The following SERINC5 variants were observed in gnomAD, a reference collection of about 807,000 sequenced individuals.
The protein encoded by SERINC5 is serine incorporator 5, also known as chromosome 5 open reading frame 12.
A neutral mutation model predicts 63.1 loss-of-function variants in SERINC5; 41 were observed. That is an observed-to-expected ratio of 0.65 (90% confidence interval 0.51 to 0.84). The LOEUF (loss-of-function observed/expected upper bound fraction) is 0.84, where lower values mean the gene tolerates loss of function less well. SERINC5 is among the 40% of genes least tolerant of loss of function. The pLI, the probability that SERINC5 is intolerant of heterozygous loss-of-function variation, is 0.00. For synonymous variants in SERINC5, 222 were observed against 215.2 expected (o/e 1.03, Z -0.28); for missense variants, 523 against 573.0 (o/e 0.91, Z 0.89).
chr5:80,173,456 C>G (rs1016355371), intron 5 of SERINC5, among the ~76,000 whole-genome samples: 2 of 152,026 alleles, frequency 1.3e-5, no homozygotes, highest in Non-Finnish European at 2.9e-5. Flanking sequence ...ATTAGCCGGG[C>G]ATGGTGGCAG....
Position 80,177,405 on chromosome 5 carries a change from TG to T in SERINC5, c.375-9del, listed in dbSNP as rs146944957. ...AGTTTAAAGAACCAAAAGCTAGAAG[TG>T]GGGGGAAAAAAAAGAGGAAATGTAT... On this transcript the variant is annotated splice_polypyrimidine_tract_variant and intron_variant, in intron 3 of 11. Coordinates refer to ENST00000507668, the MANE Select transcript of SERINC5 (RefSeq NM_001174072.3). 2 of 1,606,876 alleles carry T rather than the reference TG, an allele frequency of 1.2e-6. No individual in the cohort carries two copies. Among genetic ancestry groups the T allele is most frequent in the Non-Finnish European group, 1.7e-6 (2 of 1,175,482 alleles).
At chr5:80,193,699 C>G (rs1165341414) in intron 2 of SERINC5, among the ~76,000 whole-genome samples, 25 of 152,296 alleles carry the variant, frequency 1.6e-4, no homozygotes, top group African/African-American at 5.8e-4. Context: ...GCAGAATATC[C>G]ATTAGTTCAA....
chr5:80,159,561 T>C (rs1746757117), intron 7 of SERINC5, among the ~76,000 whole-genome samples: 1 of 152,174 alleles, frequency 6.6e-6, no homozygotes, highest in Non-Finnish European at 1.5e-5. Context: ...TTTTATATGT[T>C]AATGACTGAC....
intron 8 of SERINC5, among the ~76,000 whole-genome samples, chr5:80,155,842 C>T (rs1431997317): frequency 1.3e-5 from 2 of 152,110 alleles, no homozygotes; most frequent in Admixed American, 6.5e-5. Context: ...TCTTTCACAG[C>T]AATGATTCCT....
At chr5:80,117,148 A>C (rs1744360905) in intron 11 of SERINC5, among the ~76,000 whole-genome samples, 1 of 152,008 alleles carries the variant, frequency 6.6e-6, no homozygotes, top group Non-Finnish European at 1.5e-5. Context: ...CTTAACTACA[A>C]TGACTATATG....
intron 7 of SERINC5, among the ~76,000 whole-genome samples, chr5:80,161,498 T>C (rs1746919753): frequency 6.6e-6 from 1 of 152,210 alleles, no homozygotes; most frequent in South Asian, 2.1e-4. Context: ...ATATGTCTTC[T>C]TTAGAAAAAA....
chr5:80,250,447 C>G (rs553838857), intron 1 of SERINC5, among the ~76,000 whole-genome samples: 278 of 152,284 alleles, frequency 1.8e-3, no homozygotes, highest in Non-Finnish European at 2.9e-3. Context: ...GTTCAAGCGA[C>G]TCTCCTGCCT....
In SERINC5 at chr5:80,142,510, C is replaced by T. The variant is rs945877058; in HGVS notation, c.*1153G>A. 3.1e-5 allele frequency: 31 copies of T among 985,278 alleles called. No homozygotes were observed. The highest frequency in any genetic ancestry group is 3.4e-5 in the Non-Finnish European group (28 of 829,938). The allele number at this position is 985,278 out of a possible 1,614,324, so 61.0% of individuals were successfully genotyped here. On this transcript the variant is annotated 3_prime_UTR_variant, in exon 12 of 12. Coordinates refer to ENST00000507668, the MANE Select transcript of SERINC5 (RefSeq NM_001174072.3). Reference sequence around the variant, plus strand: ...CTGCGCACCTCTTTTTAAGTATATTCGGCCACTTCCACACATTGCCTAACA... The same window carrying T: ...CTGCGCACCTCTTTTTAAGTATATTTGGCCACTTCCACACATTGCCTAACA...
chr5:80,153,576 A>T (rs772102616), intron 8 of SERINC5, among the ~76,000 whole-genome samples: 12 of 152,114 alleles, frequency 7.9e-5, no homozygotes, highest in Non-Finnish European at 1.3e-4. Flanking sequence ...ATTGCTATAA[A>T]ACAATTCCTG....
chr5:80,143,971 A>C, intron 11 of SERINC5, 161 bp from the exon 12 acceptor site: 1 of 859,310 alleles, frequency 1.2e-6, no homozygotes, highest in Non-Finnish European at 1.8e-6. Flanking sequence ...CATTCTCATC[A>C]CCCCCAAAAG....
intron 7 of SERINC5, among the ~76,000 whole-genome samples, chr5:80,163,705 T>A (rs759789544): frequency 3.9e-5 from 6 of 152,222 alleles, no homozygotes; most frequent in Non-Finnish European, 7.3e-5. Context: ...CATTCTTGCA[T>A]CCATGGTATA....
At position 80,256,037 on chromosome 5, in the gene SERINC5, C is replaced by T. The variant is rs574715597; in HGVS notation, c.-115G>A. On this transcript the variant is annotated 5_prime_UTR_variant, in exon 1 of 12. Coordinates refer to ENST00000507668, the MANE Select transcript of SERINC5 (RefSeq NM_001174072.3). ...CCGCAGCTCACACTTGAACGAAGAT[C>T]AGCCTCGGCGAAGCGCCTAGGCGCC... is the stretch of plus-strand genomic sequence containing the variant. 1.8e-4 allele frequency: 205 copies of T among 1,149,372 alleles called. 2 individuals carry two copies. The East Asian group carries it at 6.3e-3, about 35-fold the overall frequency. 71.2% of individuals were successfully genotyped at this position (1,149,372 alleles called of 1,614,324 possible). A position where few individuals can be genotyped will look rare whatever the true frequency, so the allele number is the denominator to read the frequency against.
intron 1 of SERINC5, among the ~76,000 whole-genome samples, chr5:80,246,418 A>G (rs754699014): frequency 6.6e-6 from 1 of 152,224 alleles, no homozygotes. Context: ...TTCGCTAGTT[A>G]TCTTTTCATA....
At chr5:80,197,758 C>T (rs914771097) in intron 2 of SERINC5, among the ~76,000 whole-genome samples, 1 of 152,232 alleles carries the variant, frequency 6.6e-6, no homozygotes, top group African/African-American at 2.4e-5. Flanking sequence ...TCCTCAAACA[C>T]AGACGTTACA....
chr5:80,220,315 T>C (rs1432211488), intron 1 of SERINC5, among the ~76,000 whole-genome samples: 1 of 152,086 alleles, frequency 6.6e-6, no homozygotes, highest in Admixed American at 6.6e-5. Context: ...GGCAGAAGTC[T>C]TCTATCAGCC....
Position 80,142,559 on chromosome 5 carries a change from G to A in SERINC5, c.*1104C>T. On this transcript the variant is annotated 3_prime_UTR_variant, in exon 12 of 12. Coordinates refer to ENST00000507668, the MANE Select transcript of SERINC5 (RefSeq NM_001174072.3). ...CAAGCTTCTTCTGGTCAGTGTGTCT[G>A]AGATCCTCACCTCAGAAATTCTCAC... 1.0e-6 allele frequency: 1 copy of A among 985,416 alleles called. No individual in the cohort carries two copies. Among genetic ancestry groups the A allele is most frequent in the Non-Finnish European group, 1.2e-6 (1 of 829,944 alleles). The allele number at this position is 985,416 out of a possible 1,614,324, so 61.0% of individuals were successfully genotyped here.
rs183407875 is a variant in SERINC5, at chr5:80,202,168, G to A, written c.195+718C>T. 7.2e-5 allele frequency among the ~76,000 whole-genome samples: 11 copies of A among 152,182 alleles called. No homozygotes were observed. In the East Asian group the frequency reaches 2.1e-3, roughly 29 times the overall value. ...CAGAAGAATCGCTTGAACCTGGGAG[G>A]TGGAGGTTGCAGTGAGCCGAGATCA... On this transcript the variant is annotated intron_variant, in intron 2 of 11. Transcript: ENST00000507668.
At chr5:80,160,980 A>ATG (rs749237059) in intron 7 of SERINC5, among the ~76,000 whole-genome samples, 15 of 148,552 alleles carry the variant, frequency 1.0e-4, no homozygotes, top group Non-Finnish European at 1.2e-4. Context: ...ATATGTATAT[A>ATG]TGTGTGTATA....
chr5:80,245,175 T>TCGTACG (rs1321296594), intron 1 of SERINC5, among the ~76,000 whole-genome samples: 1 of 152,048 alleles, frequency 6.6e-6, no homozygotes, highest in Non-Finnish European at 1.5e-5. Flanking sequence ...GCTTTCCTTC[T>TCGTACG]CGTACTACAG....
Sources: allele counts gnomAD v4.1 joint callset (sites outside exome capture counted in the v4.1 genomes callset), GRCh38; gene constraint gnomAD v4.1.1; transcripts MANE v1.5; gene names NCBI Gene and HGNC (gene_info 2026-07-23, HGNC 2026-07-21).